KCNQ1: variants seen among roughly 807,000 people sequenced by gnomAD.
KCNQ1 encodes the protein potassium voltage-gated channel subfamily Q member 1, also known as potassium voltage-gated channel subfamily KQT member 1.
In KCNQ1, 49 loss-of-function variants were observed where a neutral mutation model predicts 72.4. The observed-to-expected ratio is 0.68, with a 90% CI of 0.54 to 0.86. KCNQ1 has a LOEUF of 0.86. KCNQ1 is among the 40% of genes least tolerant of loss of function. KCNQ1 has a pLI of 0.00. For missense variants in KCNQ1, 790 were observed against 945.1 expected (o/e 0.84, Z 2.15); for synonymous variants, 450 against 412.6 (o/e 1.09, Z -1.10).
chr11:2,722,240 C>T (rs1851214517), intron 11 of KCNQ1, among the ~76,000 whole-genome samples: 1 of 152,098 alleles, frequency 6.6e-6, no homozygotes, highest in Non-Finnish European at 1.5e-5. Flanking sequence ...GTCATCTTAC[C>T]AGGTGTTGAC....
rs1197215228 is a variant in KCNQ1 at position 2,820,474 on chromosome 11, A to G, written c.1795-27293A>G. On this transcript the variant is annotated intron_variant, in intron 15 of 15. Transcript: ENST00000155840. ...AGGATCATTTCTGTGACCTTTTTGT[A>G]TATGTGTGGAGGCGGTGGAGTCTTT... Among the ~76,000 whole-genome samples, 3 of 152,138 alleles carry G rather than the reference A, an allele frequency of 2.0e-5. No homozygotes were observed. In the South Asian group the frequency reaches 6.2e-4, roughly 31 times the overall value.
intron 7 of KCNQ1, among the ~76,000 whole-genome samples, chr11:2,584,336 TGTTAGTGTGG>T (rs1848553015): frequency 6.6e-6 from 1 of 152,164 alleles, no homozygotes; most frequent in African/African-American, 2.4e-5. Flanking sequence ...AGTGTTTGTG[TGTTAGTGTGG>T]GTTAGTGTAT....
At chr11:2,719,331 C>CAAA (rs34225799) in intron 11 of KCNQ1, among the ~76,000 whole-genome samples, 66,186 of 125,632 alleles carry the variant, frequency 0.53, 18,340 homozygotes, top group Middle Eastern at 0.59. Flanking sequence ...CTGTCTCTAC[C>CAAA]AAAAAAAAAA....
intron 11 of KCNQ1, chr11:2,680,225 A>T: frequency 2.5e-6 from 1 of 397,720 alleles, no homozygotes; most frequent in East Asian, 3.6e-5. Flanking sequence ...AAAAAAAAAA[A>T]AAGTTGTCTA....
chr11:2,514,142 C>T (rs922521818), intron 1 of KCNQ1, among the ~76,000 whole-genome samples: 2 of 152,258 alleles, frequency 1.3e-5, no homozygotes, highest in African/African-American at 4.8e-5. Context: ...GCCCCCCTCC[C>T]CTGCCATTAT....
At position 2,482,451 on chromosome 11, in the gene KCNQ1, A is replaced by G. The variant is rs1846666353; in HGVS notation, c.386+36967A>G. Among the ~76,000 whole-genome samples, 1 of 152,112 alleles carries G rather than the reference A, an allele frequency of 6.6e-6. No homozygotes were observed. Among genetic ancestry groups the G allele is most frequent in the Non-Finnish European group, 1.5e-5 (1 of 68,038 alleles). On this transcript the variant is annotated intron_variant, in intron 1 of 15. Coordinates refer to ENST00000155840, the MANE Select transcript of KCNQ1 (RefSeq NM_000218.3). The surrounding 1 kb of genome is among the most constrained non-coding windows in gnomAD (Gnocchi z 5.7). ...ATTGACTGCTGTAAATAGCATTGTG[A>G]TGCAAATCCTTGTACACTCATTTTT... is the stretch of plus-strand genomic sequence containing the variant.
In KCNQ1 at chr11:2,579,077, T is replaced by C. The variant is rs1001779910; in HGVS notation, c.922-4358T>C. Among the ~76,000 whole-genome samples the C allele has an allele frequency of 6.6e-6, 1 of 152,208 alleles. No individual in the cohort carries two copies. Among genetic ancestry groups the C allele is most frequent in the Non-Finnish European group, 1.5e-5 (1 of 68,030 alleles). ...ATCTCCAGCCAGGACCACCCCTTCC[T>C]TCTGGGCAAATGACTACCACGTTTC... is the stretch of plus-strand genomic sequence containing the variant. On this transcript the variant is annotated intron_variant, in intron 6 of 15. Transcript: ENST00000155840. This position sits in a 1 kb window ranked among gnomAD's most constrained non-coding sequence, Gnocchi z 6.0.
At position 2,492,342 on chromosome 11, in the gene KCNQ1, A is replaced by G. The variant is rs1352085662; in HGVS notation, c.387-35586A>G. ...TAAAAAGCGGAGAGACAAAAGTTGAAGTGTAGAGATTTTTTGTTTTACTTT... is the reference window on the plus strand; with the variant it reads ...TAAAAAGCGGAGAGACAAAAGTTGAGGTGTAGAGATTTTTTGTTTTACTTT... On this transcript the variant is annotated intron_variant, in intron 1 of 15. Transcript: ENST00000155840. The surrounding 1 kb of genome is among the most constrained non-coding windows in gnomAD (Gnocchi z 4.1). Among the ~76,000 whole-genome samples, 1 of 152,192 alleles carries G rather than the reference A, an allele frequency of 6.6e-6. No individual in the cohort carries two copies. Among genetic ancestry groups the G allele is most frequent in the African/African-American group, 2.4e-5 (1 of 41,448 alleles).
rs1564852086 is a variant in KCNQ1 at position 2,668,692 on chromosome 11, ACACT to A, written c.1514+6615_1514+6618del. On this transcript the variant is annotated intron_variant, in intron 11 of 15. Coordinates refer to ENST00000155840, the MANE Select transcript of KCNQ1 (RefSeq NM_000218.3). The surrounding 1 kb of genome is among the most constrained non-coding windows in gnomAD (Gnocchi z 4.3). ...TCATTTGTCAGAGAGAGAGATACAC[ACACT>A]CACACTCTCTCACAGACACACACAT... 2.5e-6 allele frequency: 1 copy of A among 398,440 alleles called. No individual in the cohort carries two copies. Among genetic ancestry groups the A allele is most frequent in the Non-Finnish European group, 4.4e-6 (1 of 226,062 alleles). 24.7% of individuals were successfully genotyped at this position (398,440 alleles called of 1,614,324 possible). A position where few individuals can be genotyped will look rare whatever the true frequency, so the allele number is the denominator to read the frequency against.
At chr11:2,800,469 C>T (rs1166599545) in intron 15 of KCNQ1, among the ~76,000 whole-genome samples, 1 of 152,226 alleles carries the variant, frequency 6.6e-6, no homozygotes, top group Non-Finnish European at 1.5e-5. Flanking sequence ...CTCACCTCGG[C>T]CCAAACCTGG....
In KCNQ1 at chr11:2,687,759, A is replaced by T. The variant is rs1850515911; in HGVS notation, c.1514+25678A>T. On this transcript the variant is annotated intron_variant, in intron 11 of 15. Coordinates refer to ENST00000155840, the MANE Select transcript of KCNQ1 (RefSeq NM_000218.3). This position sits in a 1 kb window ranked among gnomAD's most constrained non-coding sequence, Gnocchi z 5.0. ...AAATCATGGGGAGACTGAGAAGAGG[A>T]GCCCCTTAGCAGGCCTAACCACACC... 1 of 398,558 alleles carries T rather than the reference A, an allele frequency of 2.5e-6. No homozygotes were observed. Among genetic ancestry groups the T allele is most frequent in the African/African-American group, 2.1e-5 (1 of 48,622 alleles). The allele number at this position is 398,558 out of a possible 1,614,324, so 24.7% of individuals were successfully genotyped here.
chr11:2,577,764 C>T (rs1848444531), intron 6 of KCNQ1, among the ~76,000 whole-genome samples: 2 of 152,104 alleles, frequency 1.3e-5, no homozygotes, highest in Non-Finnish European at 2.9e-5. Context: ...TCCAGGGCGG[C>T]CCCACGGGGG....
intron 11 of KCNQ1, among the ~76,000 whole-genome samples, chr11:2,739,559 G>T (rs536910849): frequency 6.6e-6 from 1 of 152,216 alleles, no homozygotes; most frequent in Non-Finnish European, 1.5e-5. Flanking sequence ...TTCTAGAAAG[G>T]CTGAGGACTC....
rs1183600682 is a variant in KCNQ1, at chr11:2,583,421, C to T, written c.922-14C>T. 3 of 1,586,540 alleles carry T rather than the reference C, an allele frequency of 1.9e-6. No homozygotes were observed. The highest frequency in any genetic ancestry group is 2.2e-5 in the East Asian group (1 of 44,740). On this transcript the variant is annotated splice_polypyrimidine_tract_variant and intron_variant, in intron 6 of 15. Coordinates refer to ENST00000155840, the MANE Select transcript of KCNQ1 (RefSeq NM_000218.3). ...AGTCCCATCCGTGGCTGACCACTGT[C>T]CCTCTCCCTGCAGGTCACAGTCACC...
At chr11:2,686,894 G>T in intron 11 of KCNQ1, 1 of 398,692 alleles carries the variant, frequency 2.5e-6, no homozygotes, top group Non-Finnish European at 4.4e-6. Context: ...CCAGCCTGAA[G>T]ATAGAGGCAA....
chr11:2,587,248 G>A (rs559939985), intron 8 of KCNQ1, among the ~76,000 whole-genome samples: 1 of 152,306 alleles, frequency 6.6e-6, no homozygotes, highest in East Asian at 1.9e-4. Context: ...GATGATGTGC[G>A]ACCTGCCCAC....
intron 15 of KCNQ1, among the ~76,000 whole-genome samples, chr11:2,791,835 C>A (rs950477269): frequency 6.6e-6 from 1 of 152,226 alleles, no homozygotes; most frequent in African/African-American, 2.4e-5. Flanking sequence ...TGGCTCCGAG[C>A]CCGCAGGTGG....
chr11:2,523,751 G>GTTTTTTTTTTTT (rs59766245), intron 1 of KCNQ1, among the ~76,000 whole-genome samples: 4 of 115,150 alleles, frequency 3.5e-5, no homozygotes, highest in African/African-American at 1.0e-4. Flanking sequence ...GAAGTTTACA[G>GTTTTTTTTTTTT]TTTTTTTTTT....
In KCNQ1 at chr11:2,491,287, T is replaced by A. The variant is rs1368277048; in HGVS notation, c.387-36641T>A. Among the ~76,000 whole-genome samples the A allele has an allele frequency of 6.6e-6, 1 of 152,186 alleles. No homozygotes were observed. The highest frequency in any genetic ancestry group is 2.4e-5 in the African/African-American group (1 of 41,436). On this transcript the variant is annotated intron_variant, in intron 1 of 15. Transcript: ENST00000155840. This position sits in a 1 kb window ranked among gnomAD's most constrained non-coding sequence, Gnocchi z 4.1. ...GGACCAATCCTGAAGAAAAGAGATA[T>A]GTGACCTTTCAGAGAGAGAATTTAA...
Sources: gnomAD v4.1 joint callset for allele counts (sites outside exome capture counted in the v4.1 genomes callset) on GRCh38, gnomAD v4.1.1 for gene constraint, Gnocchi (gnomAD v3.1) non-coding constraint, MANE v1.5 for transcripts, NCBI Gene and HGNC (gene_info 2026-07-23, HGNC 2026-07-21) for gene names.